Variants in OTOG observed in about 807,000 individuals in gnomAD.
The protein encoded by OTOG is otogelin.
Under a neutral mutation model 313.8 loss-of-function variants are expected in OTOG, and 296 were observed. The observed-to-expected ratio is 0.94, with a 90% CI of 0.86 to 1.04. The LOEUF is 1.04. OTOG is among the 50% of genes least tolerant of loss of function. The pLI is 0.00. For synonymous variants in OTOG, 1,533 were observed against 1,554.9 expected (o/e 0.99, Z 0.33); for missense variants, 3,948 against 3,840.1 (o/e 1.03, Z -0.74).
intron 27 of OTOG, 87 bp downstream of exon 27, chr11:17,593,843 G>A: frequency 6.8e-7 from 1 of 1,477,568 alleles, no homozygotes. Context: ...CCTCCCTGAG[G>A]AGCCAAGAAG....
intron 5 of OTOG, 49 bp from the exon 6 acceptor site, chr11:17,553,316 T>A: frequency 6.7e-7 from 1 of 1,496,270 alleles, no homozygotes; most frequent in Non-Finnish European, 8.9e-7. Context: ...AGCCTCTGGC[T>A]TGGTGCCCAC....
intron 39 of OTOG, among the ~76,000 whole-genome samples, chr11:17,617,435 C>T (rs1045063526): frequency 1.3e-5 from 2 of 152,138 alleles, no homozygotes; most frequent in African/African-American, 4.8e-5. Context: ...CCATCTGAGC[C>T]TGGATTTTTC....
chr11:17,619,493 C>A (rs192517375), intron 39 of OTOG, among the ~76,000 whole-genome samples: 127 of 151,876 alleles, frequency 8.4e-4, no homozygotes, highest in African/African-American at 2.9e-3. Flanking sequence ...TTTTTGCCTT[C>A]TTTGGATTGT....
At chr11:17,598,174 G>C (rs529396357) in intron 30 of OTOG, among the ~76,000 whole-genome samples, 8 of 152,310 alleles carry the variant, frequency 5.3e-5, no homozygotes, top group Middle Eastern at 3.4e-3. Context: ...GCAAGACTAG[G>C]GGGAGGTGAT....
At position 17,578,544 on chromosome 11, in the gene OTOG, C is replaced by A; in HGVS notation, c.2759+18C>A. ...CCCCAGGGGTAAGTACCCATGGTGT[C>A]GTGGGCCCGTGATCCTGAAGGCTGG... On this transcript the variant is annotated intron_variant, in intron 23 of 55. Transcript: ENST00000399397. The A allele has an allele frequency of 6.6e-7, 1 of 1,506,686 alleles. No individual in the cohort carries two copies. The highest frequency in any genetic ancestry group is 1.4e-5 in the African/African-American group (1 of 72,314). The allele number at this position is 1,506,686 out of a possible 1,614,324, so 93.3% of individuals were successfully genotyped here.
At chr11:17,638,771 T>C (rs1010194385) in intron 48 of OTOG, 1 of 1,531,236 alleles carries the variant, frequency 6.5e-7, no homozygotes, top group Non-Finnish European at 8.8e-7. Context: ...AAAAAGCAAG[T>C]TTCCCATTCC....
chr11:17,547,937 C>G lies in OTOG; in HGVS notation c.105C>G (p.Pro35=), dbSNP rs532526172. 9 of 466,718 alleles carry G rather than the reference C, an allele frequency of 1.9e-5. No homozygotes were observed. Among genetic ancestry groups the G allele is most frequent in the Admixed American group, 3.7e-5 (1 of 27,284 alleles). 28.9% of individuals were successfully genotyped at this position (466,718 alleles called of 1,614,324 possible). Residue 35 remains proline (P), a synonymous_variant, in exon 2 of 56, where the codon CCC becomes CCG. Coordinates refer to ENST00000399397, the MANE Select transcript of OTOG (RefSeq NM_001292063.2). ...AATCCCCCTCCCCAGCCGCAGCACC[C>G]GTTCTGTGGGGCAGTGCAGAGCCAC... is the stretch of plus-strand genomic sequence containing the variant. ...SLRVQRLAAA[P]VLWGSAEPQP...
chr11:17,640,233 C>T (rs1351522575), intron 49 of OTOG, among the ~76,000 whole-genome samples: 4 of 152,068 alleles, frequency 2.6e-5, no homozygotes, highest in Non-Finnish European at 5.9e-5. Flanking sequence ...ATCCTGCAAA[C>T]AAGGAAGCTA....
At chr11:17,638,628 A>G in intron 48 of OTOG, 79 bp downstream of exon 48, 21 of 1,492,616 alleles carry the variant, frequency 1.4e-5, no homozygotes, top group Non-Finnish European at 1.9e-5. Flanking sequence ...AGCCCGGCCT[A>G]CCACCGTCCA....
chr11:17,621,179 C>T (rs557662445), intron 39 of OTOG, among the ~76,000 whole-genome samples: 2 of 152,152 alleles, frequency 1.3e-5, no homozygotes, highest in South Asian at 4.1e-4. Flanking sequence ...GTGAGTTTTG[C>T]CTTGTTGGAT....
chr11:17,624,813 G>C (rs1311738820), intron 39 of OTOG, among the ~76,000 whole-genome samples: 1 of 152,076 alleles, frequency 6.6e-6, no homozygotes, highest in Non-Finnish European at 1.5e-5. Context: ...CCATTTGTTT[G>C]TGTCATCTGT....
At chr11:17,633,117 A>G (rs1346274459) in intron 42 of OTOG, among the ~76,000 whole-genome samples, 1 of 152,262 alleles carries the variant, frequency 6.6e-6, no homozygotes, top group Non-Finnish European at 1.5e-5. Flanking sequence ...GGGCCCCACA[A>G]TCAGAGATTC....
chr11:17,612,813 A>G lies in OTOG; in HGVS notation c.6438+48A>G, dbSNP rs1402177980. ...CCTGCTGGGGACTAGGAATGGGACT[A>G]GGATAAGAGGGGAGACGGAGCAGTG... On this transcript the variant is annotated intron_variant, in intron 38 of 55. Coordinates refer to ENST00000399397, the MANE Select transcript of OTOG (RefSeq NM_001292063.2). 2.0e-6 allele frequency: 3 copies of G among 1,529,276 alleles called. No individual in the cohort carries two copies. In the African/African-American group the frequency reaches 4.1e-5, roughly 21 times the overall value. 94.7% of individuals were successfully genotyped at this position (1,529,276 alleles called of 1,614,324 possible). A position where few individuals can be genotyped will look rare whatever the true frequency, so the allele number is the denominator to read the frequency against.
intron 39 of OTOG, among the ~76,000 whole-genome samples, chr11:17,614,636 C>G (rs574164846): frequency 6.6e-6 from 1 of 152,194 alleles, no homozygotes; most frequent in East Asian, 1.9e-4. Flanking sequence ...GCCCGCTGCC[C>G]CTATAGTTAT....
chr11:17,547,545 A>C (rs939488779), intron 1 of OTOG, 79 bp downstream of exon 1: 1 of 1,273,266 alleles, frequency 7.9e-7, no homozygotes, highest in Non-Finnish European at 9.9e-7. Context: ...GGGCCCGCGC[A>C]GGTTGGAGAG....
chr11:17,581,600 C>CT, intron 23 of OTOG, among the ~76,000 whole-genome samples: 1 of 152,106 alleles, frequency 6.6e-6, no homozygotes, highest in East Asian at 1.9e-4. Context: ...ACTCTTTTTT[C>CT]TTTTTTTCCT....
chr11:17,602,729 C>T (rs1242488080), intron 32 of OTOG, among the ~76,000 whole-genome samples: 3 of 152,096 alleles, frequency 2.0e-5, no homozygotes, highest in Admixed American at 2.0e-4. Flanking sequence ...CCCTTCTTCC[C>T]TCCTCTCTTC....
chr11:17,562,360 T>G (rs1679994131), intron 15 of OTOG, among the ~76,000 whole-genome samples: 1 of 152,142 alleles, frequency 6.6e-6, no homozygotes, highest in Non-Finnish European at 1.5e-5. Flanking sequence ...TTCAAACATT[T>G]TATATTCCAC....
chr11:17,604,396 G>A (rs1853331070), intron 32 of OTOG, among the ~76,000 whole-genome samples: 1 of 152,194 alleles, frequency 6.6e-6, no homozygotes, highest in African/African-American at 2.4e-5. Context: ...GGAGCGGGCT[G>A]GGGCTGGGAC....
Sources: allele counts gnomAD v4.1 joint callset (sites outside exome capture counted in the v4.1 genomes callset), GRCh38; gene constraint gnomAD v4.1.1; transcripts MANE v1.5; gene names NCBI Gene and HGNC (gene_info 2026-07-23, HGNC 2026-07-21).